SEC61G: variants seen among roughly 807,000 people sequenced by gnomAD.
The protein encoded by SEC61G is protein transport protein Sec61 subunit gamma.
In SEC61G, 4 loss-of-function variants were observed where a neutral mutation model predicts 7.5. That is an observed-to-expected ratio of 0.54 (90% CI 0.26 to 1.22). SEC61G has a LOEUF of 1.22. Among genes scored for constraint, SEC61G ranks in the 50% most tolerant of loss-of-function variants. The probability of loss-of-function intolerance (pLI) is 0.12; values close to 1 mark genes in which losing one functional copy is unlikely to be tolerated. For missense variants in SEC61G, 53 were observed against 84.6 expected (o/e 0.63, Z 1.46); for synonymous variants, 24 against 24.4 (o/e 0.98, Z 0.05).
At chr7:54,755,906 C>T (rs1283278533) in intron 2 of SEC61G, 25 bp from the exon 3 acceptor site, 11 of 1,472,456 alleles carry the variant, frequency 7.5e-6, no homozygotes, top group Non-Finnish European at 1.0e-5. Flanking sequence ...AGGAAATTCA[C>T]ATATTTTTTG....
chr7:54,759,034 T>A (rs1253585998), intron 1 of SEC61G, 124 bp downstream of exon 1: 1 of 388,840 alleles, frequency 2.6e-6, no homozygotes, highest in Non-Finnish European at 5.3e-6. Flanking sequence ...AGGGGACCAC[T>A]TACCGCCCGC....
intron 3 of SEC61G, among the ~76,000 whole-genome samples, chr7:54,753,493 A>G (rs985994455): frequency 6.6e-6 from 1 of 152,204 alleles, no homozygotes; most frequent in African/African-American, 2.4e-5. Context: ...GAAAAAACTG[A>G]TAATTCAACC....
intron 3 of SEC61G, among the ~76,000 whole-genome samples, chr7:54,752,830 C>T (rs1222023375): frequency 6.6e-6 from 1 of 152,192 alleles, no homozygotes; most frequent in Non-Finnish European, 1.5e-5. Flanking sequence ...TCAAGCACTG[C>T]ATCTTACCAT....
chr7:54,758,247 A>G (rs1791560107), intron 1 of SEC61G, among the ~76,000 whole-genome samples: 3 of 152,248 alleles, frequency 2.0e-5, no homozygotes, highest in Non-Finnish European at 4.4e-5. Flanking sequence ...TTAAGGAAAC[A>G]GGGCTATATA....
intron 3 of SEC61G, among the ~76,000 whole-genome samples, chr7:54,753,988 A>G (rs1791460314): frequency 6.6e-6 from 1 of 152,228 alleles, no homozygotes; most frequent in African/African-American, 2.4e-5. Flanking sequence ...CAGTGCTTTT[A>G]ACGGATACAA....
At chr7:54,753,836 T>C (rs1353167839) in intron 3 of SEC61G, among the ~76,000 whole-genome samples, 1 of 152,210 alleles carries the variant, frequency 6.6e-6, no homozygotes, top group African/African-American at 2.4e-5. Flanking sequence ...AGCCTCCCCA[T>C]GCCTGTTTCC....
intron 3 of SEC61G, among the ~76,000 whole-genome samples, chr7:54,754,393 C>A (rs953121824): frequency 1.3e-5 from 2 of 152,166 alleles, no homozygotes; most frequent in African/African-American, 2.4e-5. Flanking sequence ...AGAGACTCTG[C>A]CACTTCTTTT....
At chr7:54,756,376 C>T (rs1310413369) in intron 2 of SEC61G, among the ~76,000 whole-genome samples, 1 of 152,154 alleles carries the variant, frequency 6.6e-6, no homozygotes, top group African/African-American at 2.4e-5. Context: ...TCAAACTGGG[C>T]TGGGCCCAGT....
At chr7:54,758,811 G>A (rs1172640562) in intron 1 of SEC61G, among the ~76,000 whole-genome samples, 5 of 152,188 alleles carry the variant, frequency 3.3e-5, no homozygotes, top group Non-Finnish European at 7.3e-5. Flanking sequence ...TTCCCAGACA[G>A]GACTCCACAA....
chr7:54,757,757 T>C (rs570923907), intron 1 of SEC61G, among the ~76,000 whole-genome samples, 163 bp from the exon 2 acceptor site: 7 of 152,254 alleles, frequency 4.6e-5, no homozygotes, highest in Non-Finnish European at 1.0e-4. Context: ...AAGCCTAAAT[T>C]GATATTATTT....
intron 1 of SEC61G, among the ~76,000 whole-genome samples, chr7:54,758,054 A>G (rs920785806): frequency 1.3e-5 from 2 of 152,232 alleles, no homozygotes; most frequent in Non-Finnish European, 2.9e-5. Flanking sequence ...TGTCTTGTAC[A>G]GTGAATGCCA....
chr7:54,752,564 A>G, intron 3 of SEC61G, 144 bp from the exon 4 acceptor site: 1 of 507,336 alleles, frequency 2.0e-6, no homozygotes, highest in Non-Finnish European at 3.5e-6. Flanking sequence ...GATGGCATAA[A>G]AGAATGGCAC....
At chr7:54,755,680 G>C (rs1346512163) in intron 3 of SEC61G, 99 bp downstream of exon 3, 1 of 561,396 alleles carries the variant, frequency 1.8e-6, no homozygotes, top group Non-Finnish European at 3.0e-6. Flanking sequence ...GCACTAAAAA[G>C]TCAAGAGATG....
rs1413685960 is a variant in SEC61G, at chr7:54,755,930, A to C, written c.95-49T>G. ...ACATATTTTTTGCACTGTCACTGAAAGTATGGGAAAAAAACTATCAGCAAC... is the reference window on the plus strand; with the variant it reads ...ACATATTTTTTGCACTGTCACTGAACGTATGGGAAAAAAACTATCAGCAAC... On this transcript the variant is annotated intron_variant, in intron 2 of 3. Transcript: ENST00000352861. 4 of 1,103,170 alleles carry C rather than the reference A, an allele frequency of 3.6e-6. No individual in the cohort carries two copies. The African/African-American group carries it at 6.3e-5, about 17-fold the overall frequency. 68.3% of individuals were successfully genotyped at this position (1,103,170 alleles called of 1,614,324 possible).
At chr7:54,759,015 C>T (rs949897118) in intron 1 of SEC61G, 143 bp downstream of exon 1, 4 of 360,856 alleles carry the variant, frequency 1.1e-5, no homozygotes, top group African/African-American at 2.2e-5. Context: ...CAGACCCCGG[C>T]CCTGAGCCAG....
chr7:54,757,915 A>G lies in SEC61G; in HGVS notation c.-6-321T>C, dbSNP rs191112197. On this transcript the variant is annotated intron_variant, in intron 1 of 3. Transcript: ENST00000352861. ...AGGTTACGCAATTGGTAACACATCCATTCCTTTTCTCACTCTGCAGTCCCA... is the reference window on the plus strand; with the variant it reads ...AGGTTACGCAATTGGTAACACATCCGTTCCTTTTCTCACTCTGCAGTCCCA... Among the ~76,000 whole-genome samples the G allele has an allele frequency of 9.2e-5, 14 of 152,322 alleles. No individual in the cohort carries two copies. In the East Asian group the frequency reaches 2.5e-3, roughly 27 times the overall value.
chr7:54,756,001 T>C (rs1381321620), intron 2 of SEC61G, 120 bp from the exon 3 acceptor site: 2 of 475,824 alleles, frequency 4.2e-6, no homozygotes, highest in Non-Finnish European at 3.7e-6. Context: ...AATAGATATA[T>C]AATTTAAAAA....
intron 2 of SEC61G, among the ~76,000 whole-genome samples, 196 bp downstream of exon 2, chr7:54,757,299 C>T (rs989529936): frequency 3.3e-5 from 5 of 152,018 alleles, no homozygotes; most frequent in South Asian, 2.1e-4. Flanking sequence ...TAATCTTACA[C>T]CATTTGAAAA....
At chr7:54,754,510 A>G (rs967805323) in intron 3 of SEC61G, among the ~76,000 whole-genome samples, 2 of 152,184 alleles carry the variant, frequency 1.3e-5, no homozygotes, top group Admixed American at 6.5e-5. Context: ...GACAAATGAG[A>G]TATCAGTGAC....
Sources: allele counts gnomAD v4.1 joint callset (sites outside exome capture counted in the v4.1 genomes callset), GRCh38; gene constraint gnomAD v4.1.1; transcripts MANE v1.5; gene names NCBI Gene and HGNC (gene_info 2026-07-23, HGNC 2026-07-21).